Variants in CARMIL3 observed in about 807,000 individuals in gnomAD.
CARMIL3 encodes capping protein, Arp2/3 and myosin-I linker protein 3.
A neutral mutation model predicts 180.8 loss-of-function variants in CARMIL3; 88 were observed. The ratio of observed to expected loss-of-function variants is 0.49; its 90% CI spans 0.41 to 0.58. CARMIL3 has a LOEUF of 0.58. CARMIL3 is among the 20% of genes least tolerant of loss of function. The pLI is 0.00. For synonymous variants in CARMIL3, 696 were observed against 714.5 expected (o/e 0.97, Z 0.41); for missense variants, 1,548 against 1,787.0 (o/e 0.87, Z 2.41).
intron 33 of CARMIL3, 38 bp downstream of exon 33, chr14:24,065,311 C>A: frequency 6.9e-7 from 1 of 1,458,562 alleles, no homozygotes; most frequent in Non-Finnish European, 9.1e-7. Flanking sequence ...TCCCCTTTTC[C>A]TGCCCCACAC....
chr14:24,054,422 G>A lies in CARMIL3; in HGVS notation c.273G>A (p.Met91Ile), dbSNP rs779221288. ...NQILVETERG[M>I]VSMRLPSAES... ...TCCTGGTGGAGACGGAGCGTGGCAT[G>A]GTGAGCATGCGACTGCCATCAGCTG... is the stretch of plus-strand genomic sequence containing the variant. The change falls in exon 5 of 40, where the codon ATG (methionine) becomes ATA (isoleucine). Residue 91 changes from methionine to isoleucine, a missense_variant. By Grantham distance (10) the Met-to-Ile change is conservative. Transcript: ENST00000342740. This position sits in a 1 kb window ranked among gnomAD's most constrained non-coding sequence, Gnocchi z 5.1. 1 of 1,614,154 alleles carries A rather than the reference G, an allele frequency of 6.2e-7. No individual in the cohort carries two copies. Among genetic ancestry groups the A allele is most frequent in the Admixed American group, 1.7e-5 (1 of 60,024 alleles).
At position 24,060,935 on chromosome 14, in the gene CARMIL3, C is replaced by T; in HGVS notation, c.2199C>T (p.Pro733=). The T allele has an allele frequency of 3.9e-6, 6 of 1,551,688 alleles. No homozygotes were observed. The highest frequency in any genetic ancestry group is 5.2e-6 in the Non-Finnish European group (6 of 1,146,960). ...KDAKNSRALF[P]SLYELGHVLA... is the part of the protein sequence containing the mutation. ...ACCCCTTCCTTCTCCAGCTGTTTCC[C>T]AGCCTCTATGAGCTGGGCCACGTGC... Residue 733 remains proline (P), a synonymous_variant, in exon 26 of 40, where the codon CCC becomes CCT. Transcript: ENST00000342740.
At chr14:24,068,407 A>AAAAG (rs1431990614) in intron 36 of CARMIL3, among the ~76,000 whole-genome samples, 177 bp from the exon 37 acceptor site, 6 of 151,942 alleles carry the variant, frequency 3.9e-5, no homozygotes, top group South Asian at 2.1e-4. Context: ...CAAAAAAAAA[A>AAAAG]AAAGAAAGAA....
chr14:24,059,313 G>A lies in CARMIL3; in HGVS notation c.1670G>A (p.Arg557His), dbSNP rs755372542. The stretch of plus-strand genomic sequence containing the variant: ...GTGGCAGACTCCCGGCTGAAGCTTC[G>A]CACCAGCATCCTCATCAATGCCCTG... ...LSVADSRLKL[R>H]TSILINALGS... Residue 557 changes from arginine to histidine, a missense_variant, in exon 21 of 40, where the codon CGC (arginine) becomes CAC (histidine). Transcript: ENST00000342740. This position sits in a 1 kb window ranked among gnomAD's most constrained non-coding sequence, Gnocchi z 6.3. 3.9e-5 allele frequency: 63 copies of A among 1,613,760 alleles called. No homozygotes were observed. The highest frequency in any genetic ancestry group is 5.0e-5 in the Non-Finnish European group (59 of 1,180,018).
rs753100875 is a variant in CARMIL3, at chr14:24,069,222, T to C, written c.4068T>C (p.Asp1356=). ...RAQSCDKLEP[D]RRRPPDPTGT... is the part of the protein sequence containing the mutation. ...AGTCCTGTGACAAGCTGGAACCTGATAGAAGACGGCCTCCTGACCCCACAG... is the reference window on the plus strand; with the variant it reads ...AGTCCTGTGACAAGCTGGAACCTGACAGAAGACGGCCTCCTGACCCCACAG... The change falls in exon 39 of 40, where the codon GAT becomes GAC. Residue 1356 remains aspartate (D), a synonymous_variant. Transcript: ENST00000342740. The C allele has an allele frequency of 3.7e-6, 6 of 1,613,986 alleles. No individual in the cohort carries two copies. In the South Asian group the frequency reaches 4.4e-5, roughly 12 times the overall value.
rs1207202128 is a variant in CARMIL3, at chr14:24,054,168, C to T, written c.186+30C>T. 1.2e-6 allele frequency: 2 copies of T among 1,614,162 alleles called. No homozygotes were observed. The highest frequency in any genetic ancestry group is 1.7e-5 in the Admixed American group (1 of 60,022). On this transcript the variant is annotated intron_variant, in intron 3 of 39. Transcript: ENST00000342740. This position sits in a 1 kb window ranked among gnomAD's most constrained non-coding sequence, Gnocchi z 5.1. ...GTTGGGCTGAGGAGCAGGAGAGCACCTGGCATGCTCCCTACCTCCCAAGCC... is the reference window on the plus strand; with the variant it reads ...GTTGGGCTGAGGAGCAGGAGAGCACTTGGCATGCTCCCTACCTCCCAAGCC...
At chr14:24,069,086 C>T in intron 38 of CARMIL3, 51 bp from the exon 39 acceptor site, 1 of 1,606,886 alleles carries the variant, frequency 6.2e-7, no homozygotes, top group Non-Finnish European at 8.5e-7. Context: ...GGATGAGCAT[C>T]CCAGCATGAG....
Position 24,064,359 on chromosome 14 carries a change from AAC to A in CARMIL3, c.3080+18_3080+19del, listed in dbSNP as rs1172057098. The A allele has an allele frequency of 1.9e-6, 3 of 1,586,450 alleles. No individual in the cohort carries two copies. Among genetic ancestry groups the A allele is most frequent in the East Asian group, 2.2e-5 (1 of 44,476 alleles). On this transcript the variant is annotated intron_variant, in intron 32 of 39. Transcript: ENST00000342740. Reference sequence around the variant, plus strand: ...AGGAAAGTTCTAGGTGTGATGCCTAAACACACTCCCATTTTCAGCAGGCCCCA... The same window carrying A: ...AGGAAAGTTCTAGGTGTGATGCCTAAACACTCCCATTTTCAGCAGGCCCCA...
In CARMIL3 at chr14:24,069,191, G is replaced by A. The variant is rs770522453; in HGVS notation, c.4037G>A (p.Arg1346Gln). The A allele has an allele frequency of 5.0e-6, 8 of 1,613,914 alleles. No individual in the cohort carries two copies. Among genetic ancestry groups the A allele is most frequent in the South Asian group, 1.1e-5 (1 of 91,092 alleles). The change falls in exon 39 of 40, where the codon CGG (arginine) becomes CAG (glutamine). Residue 1346 changes from arginine to glutamine, a missense_variant. Physicochemically the swap from Arg to Gln is conservative, Grantham distance 43. This residue lies in a region of CARMIL3 where 668 missense variants were observed against 687.8 expected (regional missense o/e 0.97). Transcript: ENST00000342740. ...TAPLKPKRTR[R>Q]AQSCDKLEPD... ...CCCCTGAAGCCCAAGAGGACACGGC[G>A]GGCACAGTCCTGTGACAAGCTGGAA...
chr14:24,059,157 AAGCTGGTGC>A lies in CARMIL3; in HGVS notation c.1600_1608del (p.Val534_Leu536del). The stretch of plus-strand genomic sequence containing the variant: ...CAGGACCCTGGAGGAGATCCTCCAC[AAGCTGGTGC>A]AGCTGATCCAGGAAGAGGACTGTGT... On this transcript the variant is annotated inframe_deletion, in exon 20 of 40. Transcript: ENST00000342740. The surrounding 1 kb of genome is among the most constrained non-coding windows in gnomAD (Gnocchi z 6.3). 6.2e-7 allele frequency: 1 copy of A among 1,609,274 alleles called. No homozygotes were observed. Among genetic ancestry groups the A allele is most frequent in the Admixed American group, 1.7e-5 (1 of 59,476 alleles).
chr14:24,062,201 T>G lies in CARMIL3; in HGVS notation c.2481-279T>G, dbSNP rs2035739363. 1.8e-5 allele frequency: 10 copies of G among 540,746 alleles called. No homozygotes were observed. In the East Asian group the frequency reaches 2.8e-4, roughly 15 times the overall value. The allele number at this position is 540,746 out of a possible 1,614,324, so 33.5% of individuals were successfully genotyped here. A position where few individuals can be genotyped will look rare whatever the true frequency, so the allele number is the denominator to read the frequency against. On this transcript the variant is annotated intron_variant, in intron 27 of 39. Coordinates refer to ENST00000342740, the MANE Select transcript of CARMIL3 (RefSeq NM_138360.4). ...TTACCTAGCTCTGTTCCACTGGGGCTCCAGGGGCCTGACCTAGGGCCCCCT... is the reference window on the plus strand; with the variant it reads ...TTACCTAGCTCTGTTCCACTGGGGCGCCAGGGGCCTGACCTAGGGCCCCCT...
intron 30 of CARMIL3, 22 bp downstream of exon 30, chr14:24,063,205 C>G (rs200241783): frequency 1.9e-6 from 3 of 1,610,580 alleles, no homozygotes; most frequent in Non-Finnish European, 2.5e-6. Context: ...AGCCTCCGTT[C>G]TCATGGACTC....
rs748791609 is a variant in CARMIL3, at chr14:24,065,090, G to T, written c.3213G>T (p.Gly1071=). ...PRSFKGDRGP[G]SPTTGLLLPP... ...GCTTCAAGGGGGACAGGGGGCCGGG[G>T]TCCCCTACCACTGGACTCCTCCTCC... The change falls in exon 33 of 40, where the codon GGG becomes GGT. Residue 1071 remains glycine (G), a synonymous_variant. Transcript: ENST00000342740. 1 of 1,579,978 alleles carries T rather than the reference G, an allele frequency of 6.3e-7. No homozygotes were observed. The highest frequency in any genetic ancestry group is 1.2e-5 in the South Asian group (1 of 86,382).
rs1441314337 is a variant in CARMIL3 at position 24,055,730 on chromosome 14, T to C, written c.711T>C (p.His237=). The change falls in exon 10 of 40, where the codon CAT becomes CAC. Residue 237 remains histidine (H), a synonymous_variant. Transcript: ENST00000342740. ...LGSEVLEQVL[H]TLSKSGSLEE... ...CTGAAGTGCTAGAACAGGTGCTACA[T>C]ACCCTAAGCAAGTCGGGGAGCCTCG... The C allele has an allele frequency of 1.2e-6, 2 of 1,614,050 alleles. No individual in the cohort carries two copies. Among genetic ancestry groups the C allele is most frequent in the Admixed American group, 1.7e-5 (1 of 60,012 alleles).
chr14:24,057,948 GTC>G lies in CARMIL3; in HGVS notation c.1218-7_1218-6del. 1 of 1,613,348 alleles carries G rather than the reference GTC, an allele frequency of 6.2e-7. No homozygotes were observed. The highest frequency in any genetic ancestry group is 8.5e-7 in the Non-Finnish European group (1 of 1,179,968). On this transcript the variant is annotated splice_polypyrimidine_tract_variant and intron_variant, in intron 15 of 39. Coordinates refer to ENST00000342740, the MANE Select transcript of CARMIL3 (RefSeq NM_138360.4). ...ACCCCCTCCCTCGCTGACCCCAGGG[GTC>G]TCTCCACAGGAAGGGTCGAGAGGCC... is the stretch of plus-strand genomic sequence containing the variant.
rs45562236 is a variant in CARMIL3, at chr14:24,059,633, G to A, written c.1800-31G>A. On this transcript the variant is annotated intron_variant, in intron 21 of 39. Coordinates refer to ENST00000342740, the MANE Select transcript of CARMIL3 (RefSeq NM_138360.4). This position sits in a 1 kb window ranked among gnomAD's most constrained non-coding sequence, Gnocchi z 6.3. ...CCCCTAGTAGGGACCCAGGAGGAGA[G>A]GTGCCAAACTGGTGCTTACCCTCCC... 0.024 allele frequency: 38,005 copies of A among 1,612,144 alleles called. 563 individuals are homozygous for A. The highest frequency in any genetic ancestry group is 0.026 in the Non-Finnish European group (30,697 of 1,178,690).
At position 24,065,227 on chromosome 14, in the gene CARMIL3, T is replaced by C; in HGVS notation, c.3350T>C (p.Leu1117Pro). Reference sequence around the variant, plus strand: ...AGCCCAGAGGAGGAGAGCAGCCTCCTCCCTGGATTTGGTGGGGGCCGGGGA... The same window carrying C: ...AGCCCAGAGGAGGAGAGCAGCCTCCCCCCTGGATTTGGTGGGGGCCGGGGA... ...CWSPEEESSLLPGFGGGRGPS... is the reference protein window; with the variant it reads ...CWSPEEESSLPPGFGGGRGPS... Residue 1117 changes from leucine to proline, a missense_variant, in exon 33 of 40, where the codon CTC becomes CCC. By Grantham distance (98) the Leu-to-Pro change is moderately conservative. Transcript: ENST00000342740. The C allele has an allele frequency of 2.6e-6, 4 of 1,548,302 alleles. No homozygotes were observed. The highest frequency in any genetic ancestry group is 3.5e-6 in the Non-Finnish European group (4 of 1,155,880).
rs752173189 is a variant in CARMIL3 at position 24,059,492 on chromosome 14, T to C, written c.1799+50T>C. 1 of 1,542,666 alleles carries C rather than the reference T, an allele frequency of 6.5e-7. No individual in the cohort carries two copies. The highest frequency in any genetic ancestry group is 1.2e-5 in the South Asian group (1 of 83,878). ...GACCTGGAGCCCCAGCCCCTCCCCA[T>C]ATGTACATAATCTCCCTGCTTTCCT... On this transcript the variant is annotated intron_variant, in intron 21 of 39. Coordinates refer to ENST00000342740, the MANE Select transcript of CARMIL3 (RefSeq NM_138360.4). This position sits in a 1 kb window ranked among gnomAD's most constrained non-coding sequence, Gnocchi z 6.3.
rs1428638073 is a variant in CARMIL3, at chr14:24,065,656, C to T, written c.3431C>T (p.Pro1144Leu). The change falls in exon 34 of 40, where the codon CCA becomes CTA. Residue 1144 changes from proline to leucine, a missense_variant. Coordinates refer to ENST00000342740, the MANE Select transcript of CARMIL3 (RefSeq NM_138360.4). ...GGGTCAGAGCCAGGGGAGGGGGGCC[C>T]AGCCCCTGGGACAGCACAGCAGCCA... The part of the protein sequence containing the change: ...TEGSEPGEGG[P>L]APGTAQQPRV... 1 of 1,613,318 alleles carries T rather than the reference C, an allele frequency of 6.2e-7. No homozygotes were observed. The highest frequency in any genetic ancestry group is 8.5e-7 in the Non-Finnish European group (1 of 1,179,642).
Sources: allele counts gnomAD v4.1 joint callset (sites outside exome capture counted in the v4.1 genomes callset), GRCh38; gene constraint gnomAD v4.1.1; regional missense constraint gnomAD v4.1.1; non-coding constraint Gnocchi (gnomAD v3.1); transcripts MANE v1.5; gene names NCBI Gene and HGNC (gene_info 2026-07-23, HGNC 2026-07-21).